Variants in ACACA observed in about 807,000 individuals in gnomAD.
ACACA encodes the protein acetyl-CoA carboxylase alpha.
ACACA carries 103 observed loss-of-function variants against 296.1 expected under a neutral mutation model. The observed-to-expected ratio is 0.35, with a 90% CI of 0.30 to 0.41. The LOEUF (loss-of-function observed/expected upper bound fraction) is 0.41. Among genes scored for constraint, ACACA ranks in the 10% least tolerant of loss-of-function variants. ACACA has a pLI of 1.00. For missense variants in ACACA, 1,554 were observed against 2,989.7 expected (o/e 0.52, Z 11.20); for synonymous variants, 953 against 1,038.6 (o/e 0.92, Z 1.58).
rs181764756 is a variant in ACACA, at chr17:37,229,666, T to A, written c.3247-3214A>T. ...CAAAACACGTAAAAGCACTTTTTTTTAAAAACCACTTTTTTATTTTATCTT... is the reference window on the plus strand; with the variant it reads ...CAAAACACGTAAAAGCACTTTTTTTAAAAAACCACTTTTTTATTTTATCTT... On this transcript the variant is annotated intron_variant, in intron 25 of 55. Coordinates refer to ENST00000616317, the MANE Select transcript of ACACA (RefSeq NM_198834.3). Among the ~76,000 whole-genome samples, 991 of 152,208 alleles carry A rather than the reference T, an allele frequency of 6.5e-3. 5 individuals are homozygous for A. The highest frequency in any genetic ancestry group is 0.016 in the East Asian group (83 of 5,170).
intron 1 of ACACA, among the ~76,000 whole-genome samples, chr17:37,375,000 A>C (rs2049944795): frequency 6.6e-6 from 1 of 151,438 alleles, no homozygotes; most frequent in Non-Finnish European, 1.5e-5. Context: ...GTTCGAGACC[A>C]GCCTGGCCAA....
intron 1 of ACACA, among the ~76,000 whole-genome samples, chr17:37,364,556 A>G (rs923079150): frequency 5.4e-5 from 8 of 149,242 alleles, no homozygotes; most frequent in Non-Finnish European, 1.0e-4. Flanking sequence ...AGGCCACTGC[A>G]CTCCAGCCTG....
At chr17:37,375,693 A>G (rs958013212) in intron 1 of ACACA, among the ~76,000 whole-genome samples, 5 of 152,128 alleles carry the variant, frequency 3.3e-5, no homozygotes, top group African/African-American at 1.2e-4. Context: ...AAATCTCCAC[A>G]TCTTTTCATG....
chr17:37,144,415 C>T (rs1208757659), intron 45 of ACACA: 1 of 340,320 alleles, frequency 2.9e-6, no homozygotes, highest in South Asian at 2.9e-5. Flanking sequence ...CTGCCCGCCC[C>T]ACAGTGAGAG....
At chr17:37,107,310 T>G (rs2073745694) in intron 52 of ACACA, among the ~76,000 whole-genome samples, 1 of 151,888 alleles carries the variant, frequency 6.6e-6, no homozygotes. Flanking sequence ...GACATAAGAG[T>G]TGGAAAAACA....
intron 1 of ACACA, among the ~76,000 whole-genome samples, chr17:37,394,844 G>T (rs1322383459): frequency 6.6e-6 from 1 of 151,334 alleles, no homozygotes; most frequent in Non-Finnish European, 1.5e-5. Flanking sequence ...AGCCGAGATT[G>T]TGCCACTGCA....
At chr17:37,375,654 C>T (rs1285946028) in intron 1 of ACACA, among the ~76,000 whole-genome samples, 1 of 152,166 alleles carries the variant, frequency 6.6e-6, no homozygotes, top group African/African-American at 2.4e-5. Context: ...TTCTATAATT[C>T]CTGCTCTAGA....
chr17:37,131,678 G>A (rs926793166), intron 45 of ACACA, among the ~76,000 whole-genome samples: 3 of 152,128 alleles, frequency 2.0e-5, no homozygotes, highest in Non-Finnish European at 2.9e-5. Flanking sequence ...CACCCCCATC[G>A]GGACCTTCCA....
chr17:37,158,787 T>C (rs2076353499), intron 42 of ACACA, among the ~76,000 whole-genome samples: 1 of 152,056 alleles, frequency 6.6e-6, no homozygotes, highest in Non-Finnish European at 1.5e-5. Context: ...TGAGAGGGCA[T>C]TGGGTCCTAG....
At chr17:37,136,214 G>A (rs987527421) in intron 45 of ACACA, among the ~76,000 whole-genome samples, 1 of 151,968 alleles carries the variant, frequency 6.6e-6, no homozygotes, top group Non-Finnish European at 1.5e-5. Context: ...GTCTCCTCAT[G>A]TTCCCTTCCC....
rs1386032855 is a variant in ACACA, at chr17:37,390,330, A to ATATATATATATCTATATC, written c.38+15931_38+15932insGATATAGATATATATATA. Among the ~76,000 whole-genome samples the ATATATATATATCTATATC allele has an allele frequency of 1.2e-4, 5 of 41,582 alleles. 1 individual carries two copies. The highest frequency in any genetic ancestry group is 2.6e-4 in the African/African-American group (2 of 7,842). 27.3% of individuals were successfully genotyped at this position (41,582 alleles called of 152,430 possible). On this transcript the variant is annotated intron_variant, in intron 1 of 55. Transcript: ENST00000616317. ...TATATATATATATATATATATATAT[A>ATATATATATATCTATATC]TATAAAAGGCCAGCTGGGCCGGGCA... is the stretch of plus-strand genomic sequence containing the variant.
chr17:37,097,251 T>C lies in ACACA; in HGVS notation c.6721-85A>G, dbSNP rs895410503. 1.3e-5 allele frequency: 19 copies of C among 1,499,574 alleles called. No homozygotes were observed. The South Asian group carries it at 2.0e-4, about 16-fold the overall frequency. The allele number at this position is 1,499,574 out of a possible 1,614,324, so 92.9% of individuals were successfully genotyped here. ...GAGGGAAACCCACAGGCATAAAAAC[T>C]GATTCTCCAGGCAAGCCCTTCACAG... On this transcript the variant is annotated intron_variant, in intron 53 of 55. Coordinates refer to ENST00000616317, the MANE Select transcript of ACACA (RefSeq NM_198834.3). The surrounding 1 kb of genome is among the most constrained non-coding windows in gnomAD (Gnocchi z 4.8).
chr17:37,386,455 G>A (rs2050535005), intron 1 of ACACA, among the ~76,000 whole-genome samples: 1 of 152,050 alleles, frequency 6.6e-6, no homozygotes, highest in Non-Finnish European at 1.5e-5. Flanking sequence ...AGCCGGACGT[G>A]GTGGCAGGTA....
chr17:37,122,252 C>T (rs772443381), intron 49 of ACACA, among the ~76,000 whole-genome samples: 1 of 152,184 alleles, frequency 6.6e-6, no homozygotes, highest in Non-Finnish European at 1.5e-5. Context: ...AGTATTATCT[C>T]AGCTACCTTT....
intron 3 of ACACA, chr17:37,289,477 A>G: frequency 7.4e-7 from 1 of 1,352,082 alleles, no homozygotes; most frequent in South Asian, 1.1e-5. Flanking sequence ...TGTCCTCATT[A>G]TCTTCAACCC....
At chr17:37,247,393 G>A (rs560804876) in intron 18 of ACACA, among the ~76,000 whole-genome samples, 1 of 127,512 alleles carries the variant, frequency 7.8e-6, no homozygotes, top group Non-Finnish European at 1.6e-5. Flanking sequence ...TTGATACGGA[G>A]TTTTGCTCTT....
chr17:37,156,309 C>T (rs545366998), intron 42 of ACACA, among the ~76,000 whole-genome samples: 3 of 152,130 alleles, frequency 2.0e-5, no homozygotes, highest in South Asian at 2.1e-4. Context: ...GTGATCCGCC[C>T]GCCTCGGCCT....
intron 29 of ACACA, among the ~76,000 whole-genome samples, chr17:37,212,099 A>G (rs895160363): frequency 3.3e-5 from 5 of 152,234 alleles, no homozygotes; most frequent in African/African-American, 9.6e-5. Context: ...GTTTCTTAGC[A>G]TGAATCTCAG....
intron 1 of ACACA, among the ~76,000 whole-genome samples, chr17:37,403,486 C>T (rs1203250553): frequency 1.3e-5 from 2 of 151,634 alleles, no homozygotes; most frequent in African/African-American, 4.9e-5. Flanking sequence ...ATCCTCTCAC[C>T]TCAGCCTCCT....
Sources: allele counts gnomAD v4.1 joint callset (sites outside exome capture counted in the v4.1 genomes callset), GRCh38; gene constraint gnomAD v4.1.1; non-coding constraint Gnocchi (gnomAD v3.1); transcripts MANE v1.5; gene names NCBI Gene and HGNC (gene_info 2026-07-23, HGNC 2026-07-21).